CHODL: variants seen among roughly 807,000 people sequenced by gnomAD.
CHODL encodes the protein chondrolectin.
CHODL carries 29 observed loss-of-function variants against 34.5 expected under a neutral mutation model. That is an observed-to-expected ratio of 0.84 (90% CI 0.63 to 1.15). The LOEUF (loss-of-function observed/expected upper bound fraction) is 1.15. CHODL is among the 50% of genes most tolerant of loss of function. CHODL has a pLI of 0.00. For synonymous variants in CHODL, 125 were observed against 116.1 expected (o/e 1.08, Z -0.49); for missense variants, 332 against 332.5 (o/e 1.00, Z 0.01).
At chr21:18,053,930 G>A (rs2064547429) in intron 2 of CHODL, among the ~76,000 whole-genome samples, 1 of 132,598 alleles carries the variant, frequency 7.5e-6, no homozygotes, top group Non-Finnish European at 1.8e-5. Flanking sequence ...ACATAAATGT[G>A]TATAATTTAT....
chr21:18,250,473 G>T (rs571255783), intron 1 of CHODL, among the ~76,000 whole-genome samples: 10 of 151,720 alleles, frequency 6.6e-5, no homozygotes, highest in African/African-American at 2.4e-4. Context: ...AAATAAATTT[G>T]TTTATTAATG....
chr21:18,057,846 G>A lies in CHODL; in HGVS notation c.-45+29875G>A, dbSNP rs140854550. On this transcript the variant is annotated intron_variant, in intron 2 of 6. Coordinates refer to the CHODL transcript ENST00000400127. ...TTTCTTTAAAAAAAACTTAAAAATT[G>A]ACATATAATAATTGTACATATTCAT... Among the ~76,000 whole-genome samples, 16 of 151,800 alleles carry A rather than the reference G, an allele frequency of 1.1e-4. No homozygotes were observed. In the East Asian group the frequency reaches 3.1e-3, roughly 29 times the overall value.
intron 1 of CHODL, among the ~76,000 whole-genome samples, chr21:18,000,704 G>C (rs1461074498): frequency 2.0e-5 from 3 of 152,098 alleles, no homozygotes; most frequent in Admixed American, 6.5e-5. Context: ...GTTTCTCCTT[G>C]TTCCATGCAG....
intron 1 of CHODL, among the ~76,000 whole-genome samples, chr21:17,936,935 G>C (rs866108558): frequency 1.8e-4 from 28 of 152,002 alleles, no homozygotes; most frequent in African/African-American, 6.5e-4. Flanking sequence ...TTAGCTGGGC[G>C]TGGTGGTGGG....
intron 2 of CHODL, among the ~76,000 whole-genome samples, chr21:18,123,857 C>A (rs1236784164): frequency 3.3e-5 from 5 of 152,102 alleles, no homozygotes; most frequent in African/African-American, 1.2e-4. Context: ...GTCTTCCCAG[C>A]AAGAACGCAG....
rs144200598 is a variant in CHODL at position 17,982,525 on chromosome 21, TTTA to T, written c.-144-45342_-144-45340del. The stretch of plus-strand genomic sequence containing the variant: ...TCATTTTTATCCCATGAAAAATTAT[TTTA>T]TTATAGGAACATTTCATTAATTATT... On this transcript the variant is annotated intron_variant, in intron 1 of 6. Coordinates refer to the CHODL transcript ENST00000400127. Among the ~76,000 whole-genome samples, 692 of 152,030 alleles carry T rather than the reference TTTA, an allele frequency of 4.6e-3. 5 individuals are homozygous for T. The highest frequency in any genetic ancestry group is 0.015 in the African/African-American group (641 of 41,490).
At chr21:18,262,667 G>T in intron 4 of CHODL, 124 bp from the exon 5 acceptor site, 1 of 621,114 alleles carries the variant, frequency 1.6e-6, no homozygotes, top group Non-Finnish European at 2.9e-6. Flanking sequence ...ATTTTGAGAA[G>T]AACTTTGGGG....
intron 2 of CHODL, among the ~76,000 whole-genome samples, chr21:18,130,757 A>G (rs954243236): frequency 6.6e-6 from 1 of 152,206 alleles, no homozygotes; most frequent in Non-Finnish European, 1.5e-5. Flanking sequence ...GCTTTTTTCC[A>G]TTATTCGAAA....
At chr21:18,246,585 G>GA (rs1273324376) in intron 1 of CHODL, among the ~76,000 whole-genome samples, 2 of 152,060 alleles carry the variant, frequency 1.3e-5, no homozygotes, top group African/African-American at 2.4e-5. Context: ...TAGCTGCAAA[G>GA]AAAAAATTCA....
At chr21:18,229,910 C>T (rs2146753240) in intron 2 of CHODL, among the ~76,000 whole-genome samples, 1 of 152,206 alleles carries the variant, frequency 6.6e-6, no homozygotes. Flanking sequence ...TTCCTGGTCA[C>T]CTACATTTGG....
chr21:17,981,503 TG>T (rs2063713814), intron 1 of CHODL, among the ~76,000 whole-genome samples: 1 of 152,176 alleles, frequency 6.6e-6, no homozygotes, highest in African/African-American at 2.4e-5. Flanking sequence ...TTGTAACTGA[TG>T]GGGCTCAGGT....
At chr21:18,097,241 G>A (rs2065150887) in intron 2 of CHODL, among the ~76,000 whole-genome samples, 1 of 151,986 alleles carries the variant, frequency 6.6e-6, no homozygotes, top group African/African-American at 2.4e-5. Context: ...ACAAGAGAAA[G>A]GAATACAGGG....
chr21:17,977,843 T>C (rs1254951455), intron 1 of CHODL, among the ~76,000 whole-genome samples: 40 of 130,728 alleles, frequency 3.1e-4, no homozygotes, highest in African/African-American at 1.2e-3. Flanking sequence ...CACTTGAACC[T>C]GGGAGGTGGA....
chr21:17,998,913 C>A (rs368727695), intron 1 of CHODL, among the ~76,000 whole-genome samples: 2 of 152,216 alleles, frequency 1.3e-5, no homozygotes, highest in Admixed American at 6.5e-5. Context: ...TAACATTAGG[C>A]TCCTTGCTAC....
At chr21:18,259,961 A>G (rs1042903591) in intron 3 of CHODL, among the ~76,000 whole-genome samples, 3 of 152,206 alleles carry the variant, frequency 2.0e-5, no homozygotes, top group South Asian at 2.1e-4. Flanking sequence ...GCTAATTGCA[A>G]TTTGGAGTTT....
intron 2 of CHODL, among the ~76,000 whole-genome samples, chr21:18,233,744 A>G (rs1257495034): frequency 2.6e-5 from 4 of 152,112 alleles, no homozygotes; most frequent in Non-Finnish European, 5.9e-5. Context: ...GTAAGACTTT[A>G]TGCATTCCCT....
intron 1 of CHODL, among the ~76,000 whole-genome samples, chr21:17,927,122 ATG>A (rs1043737858): frequency 2.4e-4 from 28 of 117,298 alleles, no homozygotes; most frequent in African/African-American, 9.0e-4. Context: ...ATATGTATAT[ATG>A]TATATATATG....
chr21:18,014,334 G>T (rs1444188589), intron 1 of CHODL, among the ~76,000 whole-genome samples: 1 of 152,204 alleles, frequency 6.6e-6, no homozygotes. Context: ...ACAGCAACAT[G>T]GATGAAGCTG....
intron 2 of CHODL, among the ~76,000 whole-genome samples, chr21:18,232,974 TATATATATGACC>T (rs2073996973): frequency 7.2e-6 from 1 of 139,068 alleles, no homozygotes; most frequent in Non-Finnish European, 1.5e-5. Context: ...TATATATATG[TATATATATGACC>T]TATCTATCCA....
Sources: allele counts gnomAD v4.1 joint callset (sites outside exome capture counted in the v4.1 genomes callset), GRCh38; gene constraint gnomAD v4.1.1; transcripts MANE v1.5; gene names NCBI Gene and HGNC (gene_info 2026-07-23, HGNC 2026-07-21).